Variants in RYR2 observed in about 807,000 individuals in gnomAD.
RYR2 encodes the protein ryanodine receptor 2.
Under a neutral mutation model 601.1 loss-of-function variants are expected in RYR2, and 227 were observed. The observed-to-expected ratio is 0.38, with a 90% CI of 0.34 to 0.42. The LOEUF is 0.42. Ranked by LOEUF, RYR2 falls within the 10% of genes least tolerant of loss-of-function variation. The pLI is 1.00. For missense variants in RYR2, 4,646 were observed against 6,156.5 expected (o/e 0.75, Z 8.21); for synonymous variants, 2,223 against 2,175.1 (o/e 1.02, Z -0.61).
intron 26 of RYR2, 135 bp downstream of exon 26, chr1:237,548,725 A>G: frequency 9.0e-7 from 1 of 1,108,910 alleles, no homozygotes; most frequent in Non-Finnish European, 1.3e-6. Context: ...TTGGACTAAA[A>G]CAGCTGTTTA....
At chr1:237,328,434 A>C (rs911038776) in intron 2 of RYR2, among the ~76,000 whole-genome samples, 3 of 152,158 alleles carry the variant, frequency 2.0e-5, no homozygotes, top group Non-Finnish European at 4.4e-5. Context: ...TTTTAGAAAG[A>C]AAGCCCTTGT....
At chr1:237,792,393 G>GCA in intron 94 of RYR2, 70 bp downstream of exon 94, 2 of 789,988 alleles carry the variant, frequency 2.5e-6, no homozygotes, top group South Asian at 1.9e-5. Flanking sequence ...GTGTGTGTGT[G>GCA]TGTGCGTGTG....
chr1:237,307,206 C>T (rs1213414615), intron 2 of RYR2, among the ~76,000 whole-genome samples: 1 of 152,148 alleles, frequency 6.6e-6, no homozygotes, highest in Non-Finnish European at 1.5e-5. Context: ...ATTGCACATA[C>T]GTTTTTTCAC....
At chr1:237,153,682 C>G (rs912074671) in intron 1 of RYR2, among the ~76,000 whole-genome samples, 16 of 150,584 alleles carry the variant, frequency 1.1e-4, no homozygotes, top group Admixed American at 9.9e-4. Context: ...AATAATTTTG[C>G]AGACAATCTG....
chr1:237,662,063 G>A (rs1683853985), intron 56 of RYR2, among the ~76,000 whole-genome samples: 1 of 147,646 alleles, frequency 6.8e-6, no homozygotes, highest in Non-Finnish European at 1.5e-5. Context: ...TATCATTTTT[G>A]AAAAAAAAAT....
At chr1:237,657,656 T>G (rs527851310) in intron 53 of RYR2, among the ~76,000 whole-genome samples, 2 of 151,450 alleles carry the variant, frequency 1.3e-5, no homozygotes, top group South Asian at 4.1e-4. Context: ...TTTAATTATT[T>G]CAATTTATAT....
At chr1:237,142,902 G>A (rs1673549642) in intron 1 of RYR2, among the ~76,000 whole-genome samples, 1 of 152,074 alleles carries the variant, frequency 6.6e-6, no homozygotes, top group Admixed American at 6.6e-5. Flanking sequence ...GGGGCCTCTC[G>A]GTAGCACCGG....
chr1:237,716,725 G>T (rs1395151628), intron 71 of RYR2, among the ~76,000 whole-genome samples: 1 of 150,980 alleles, frequency 6.6e-6, no homozygotes, highest in Non-Finnish European at 1.5e-5. Flanking sequence ...AAAGAAAAAT[G>T]CATTTTATAA....
chr1:237,439,904 A>G (rs1707751512), intron 12 of RYR2, among the ~76,000 whole-genome samples: 1 of 152,088 alleles, frequency 6.6e-6, no homozygotes, highest in African/African-American at 2.4e-5. Context: ...TTTATCACAG[A>G]ATTTAATTTT....
intron 1 of RYR2, among the ~76,000 whole-genome samples, chr1:237,058,093 T>G (rs1215266558): frequency 6.6e-6 from 1 of 152,176 alleles, no homozygotes; most frequent in Non-Finnish European, 1.5e-5. Context: ...TGGGAGAAGC[T>G]GATATTGCTG....
chr1:237,554,855 A>C (rs2779389), intron 27 of RYR2, among the ~76,000 whole-genome samples: 136,324 of 152,092 alleles, frequency 0.9, 62,051 homozygotes, highest in East Asian at 0.97. Context: ...ATGATAGTTG[A>C]TGTTTTCTCT....
At chr1:237,545,595 A>G (rs1669712005) in intron 25 of RYR2, among the ~76,000 whole-genome samples, 1 of 152,040 alleles carries the variant, frequency 6.6e-6, no homozygotes, top group South Asian at 2.1e-4. Context: ...GGGGAGTGAG[A>G]AGTAGTTGTG....
chr1:237,541,305 C>G, intron 25 of RYR2, among the ~76,000 whole-genome samples: 1 of 152,206 alleles, frequency 6.6e-6, no homozygotes, highest in African/African-American at 2.4e-5. Context: ...TAAATTAATT[C>G]TAGTTTGTTT....
At chr1:237,692,329 A>G (rs535592158) in intron 63 of RYR2, among the ~76,000 whole-genome samples, 3 of 152,298 alleles carry the variant, frequency 2.0e-5, no homozygotes, top group Non-Finnish European at 1.5e-5. Context: ...TTTCGCTTGT[A>G]CTATTGCAGG....
chr1:237,652,130 C>T (rs1365617935), intron 51 of RYR2, among the ~76,000 whole-genome samples: 1 of 152,150 alleles, frequency 6.6e-6, no homozygotes, highest in Non-Finnish European at 1.5e-5. Context: ...TTATTAGAAA[C>T]CTCGAGAGAT....
At chr1:237,054,337 C>G (rs1002415962) in intron 1 of RYR2, among the ~76,000 whole-genome samples, 1 of 147,256 alleles carries the variant, frequency 6.8e-6, no homozygotes, top group South Asian at 2.3e-4. Context: ...CCCCCTCCCC[C>G]CCTCCCTCCA....
At chr1:237,264,349 C>G (rs759612201) in intron 1 of RYR2, among the ~76,000 whole-genome samples, 3 of 152,176 alleles carry the variant, frequency 2.0e-5, no homozygotes, top group Non-Finnish European at 4.4e-5. Context: ...AATGCCTTAT[C>G]TACTTTCTTT....
chr1:237,576,457 A>G (rs1673231416), intron 29 of RYR2, among the ~76,000 whole-genome samples: 1 of 152,140 alleles, frequency 6.6e-6, no homozygotes, highest in Non-Finnish European at 1.5e-5. Flanking sequence ...CTGATATAGA[A>G]ACAGATGCCA....
At chr1:237,485,719 T>A (rs1362139042) in intron 17 of RYR2, among the ~76,000 whole-genome samples, 1 of 152,194 alleles carries the variant, frequency 6.6e-6, no homozygotes, top group Non-Finnish European at 1.5e-5. Flanking sequence ...AGGTGCTTAA[T>A]AAATATATAT....
Sources: allele counts gnomAD v4.1 joint callset (sites outside exome capture counted in the v4.1 genomes callset), GRCh38; gene constraint gnomAD v4.1.1; transcripts MANE v1.5; gene names NCBI Gene and HGNC (gene_info 2026-07-23, HGNC 2026-07-21).